The following RNF150 variants were observed in gnomAD, a reference collection of about 807,000 sequenced individuals.
The protein encoded by RNF150 is ring finger protein 150.
RNF150 carries 24 observed loss-of-function variants against 39.3 expected under a neutral mutation model. The observed-to-expected ratio is 0.61, with a 90% CI of 0.44 to 0.86. The LOEUF is 0.86. Ranked by LOEUF, RNF150 falls within the 40% of genes least tolerant of loss-of-function variation. The probability of loss-of-function intolerance (pLI) is 0.00; values close to 1 mark genes in which losing one functional copy is unlikely to be tolerated. For missense variants in RNF150, 502 were observed against 587.8 expected, an observed-to-expected ratio of 0.85 and a Z score of 1.51; for synonymous variants, 255 against 227.3, an observed-to-expected ratio of 1.12 and a Z score of -1.10.
At chr4:140,990,091 G>C (rs546589386) in intron 1 of RNF150, among the ~76,000 whole-genome samples, 3 of 152,292 alleles carry the variant, frequency 2.0e-5, no homozygotes, top group African/African-American at 7.2e-5. Flanking sequence ...CTAATGCACT[G>C]TAATTTTATA....
intron 1 of RNF150, among the ~76,000 whole-genome samples, chr4:141,080,207 T>C (rs1036972650): frequency 2.0e-5 from 3 of 152,314 alleles, no homozygotes; most frequent in African/African-American, 7.2e-5. Flanking sequence ...AAAATCAATC[T>C]CTCCATAATC....
At chr4:140,947,569 T>C in intron 4 of RNF150, 85 bp downstream of exon 4, 1 of 890,640 alleles carries the variant, frequency 1.1e-6, no homozygotes, top group Non-Finnish European at 1.9e-6. Context: ...GGCAGCACTA[T>C]GCCCAGCAGG....
At chr4:140,991,383 G>A (rs1040922544) in intron 1 of RNF150, among the ~76,000 whole-genome samples, 1 of 152,064 alleles carries the variant, frequency 6.6e-6, no homozygotes, top group Non-Finnish European at 1.5e-5. Flanking sequence ...TGCTTTTGTT[G>A]CAATTGCTTT....
At chr4:140,912,888 A>G (rs1361063854) in intron 5 of RNF150, among the ~76,000 whole-genome samples, 1 of 149,680 alleles carries the variant, frequency 6.7e-6, no homozygotes, top group African/African-American at 2.5e-5. Flanking sequence ...TTCTCTCCCC[A>G]TTACCAGTTT....
chr4:141,001,318 G>A (rs1734660715), intron 1 of RNF150, among the ~76,000 whole-genome samples: 1 of 151,512 alleles, frequency 6.6e-6, no homozygotes. Flanking sequence ...CTTCATCATT[G>A]TCAATCTCCT....
intron 1 of RNF150, among the ~76,000 whole-genome samples, chr4:140,968,391 C>T (rs1335874127): frequency 6.6e-6 from 1 of 151,952 alleles, no homozygotes; most frequent in Non-Finnish European, 1.5e-5. Context: ...GCAATTTTCT[C>T]CTATAGTGAG....
At chr4:140,926,127 T>G in intron 4 of RNF150, 54 bp from the exon 5 acceptor site, 1 of 1,235,876 alleles carries the variant, frequency 8.1e-7, no homozygotes, top group Non-Finnish European at 1.2e-6. Flanking sequence ...GAATACCTGG[T>G]CCACCATGGC....
At chr4:141,016,923 G>A (rs902341353) in intron 1 of RNF150, among the ~76,000 whole-genome samples, 2 of 152,114 alleles carry the variant, frequency 1.3e-5, no homozygotes, top group African/African-American at 4.8e-5. Flanking sequence ...ATCTTGAAAT[G>A]TATCTTCCAT....
intron 1 of RNF150, among the ~76,000 whole-genome samples, chr4:141,049,034 C>T (rs1736683625): frequency 6.6e-6 from 1 of 152,160 alleles, no homozygotes; most frequent in African/African-American, 2.4e-5. Flanking sequence ...TATGCCTATT[C>T]TGAGCAGCCA....
chr4:141,039,602 C>T (rs1279663308), intron 1 of RNF150, among the ~76,000 whole-genome samples: 2 of 152,186 alleles, frequency 1.3e-5, no homozygotes, highest in South Asian at 2.1e-4. Context: ...TGCACGTGCA[C>T]ACATCCCTAA....
At chr4:141,046,240 A>G (rs943352744) in intron 1 of RNF150, among the ~76,000 whole-genome samples, 1 of 152,208 alleles carries the variant, frequency 6.6e-6, no homozygotes, top group Non-Finnish European at 1.5e-5. Flanking sequence ...CCATGACCTT[A>G]GATGGGGGAA....
Position 140,868,330 on chromosome 4 carries a change from C to T in RNF150, c.1248G>A (p.Met416Ile), listed in dbSNP as rs370712087. 4 of 1,613,602 alleles carry T rather than the reference C, an allele frequency of 2.5e-6. No individual in the cohort carries two copies. Among genetic ancestry groups the T allele is most frequent in the East Asian group, 4.5e-5 (2 of 44,898 alleles). ...VSSDSDISLIMAMEVGLSDVE... is the reference protein window; with the variant it reads ...VSSDSDISLIIAMEVGLSDVE... ...CATCAGACAGTCCAACCTCCATTGC[C>T]ATGATCAAGGAAATGTCAGAATCAC... The change falls in exon 7 of 7, where the codon ATG (methionine) becomes ATA (isoleucine). Residue 416 changes from methionine to isoleucine, a missense_variant. Met to Ile is a conservative substitution (Grantham distance 10). Coordinates refer to ENST00000515673, the MANE Select transcript of RNF150 (RefSeq NM_020724.2).
chr4:140,879,707 A>G (rs1338945798), intron 6 of RNF150, among the ~76,000 whole-genome samples: 2 of 152,084 alleles, frequency 1.3e-5, no homozygotes, highest in African/African-American at 4.8e-5. Flanking sequence ...CTGTGGACCC[A>G]GCTATTTGGG....
chr4:140,969,469 G>A (rs1476031893), intron 1 of RNF150, among the ~76,000 whole-genome samples: 2 of 152,020 alleles, frequency 1.3e-5, no homozygotes, highest in South Asian at 2.1e-4. Flanking sequence ...GCTGCATGTG[G>A]TCTGAGGTTG....
chr4:141,197,046 CA>C (rs377327063), intron 1 of RNF150, among the ~76,000 whole-genome samples: 279 of 151,148 alleles, frequency 1.8e-3, no homozygotes, highest in African/African-American at 6.4e-3. Flanking sequence ...AATTTTGTCC[CA>C]AAAAAAAGTG....
chr4:141,106,019 T>C (rs73849810), intron 1 of RNF150, among the ~76,000 whole-genome samples: 2,084 of 152,318 alleles, frequency 0.014, 49 homozygotes, highest in African/African-American at 0.048. Context: ...ACAACCCATC[T>C]ACTTGTCACT....
intron 1 of RNF150, among the ~76,000 whole-genome samples, chr4:141,140,159 CG>C (rs1212349886): frequency 2.0e-5 from 3 of 152,168 alleles, no homozygotes; most frequent in African/African-American, 7.2e-5. Flanking sequence ...GTTTTGGAAA[CG>C]TTTTTTTAGA....
At chr4:141,179,812 A>G (rs971605399) in intron 1 of RNF150, among the ~76,000 whole-genome samples, 3 of 152,162 alleles carry the variant, frequency 2.0e-5, no homozygotes, top group Non-Finnish European at 2.9e-5. Context: ...TCCTCTTAGT[A>G]TGACAAAACA....
chr4:140,961,180 T>C (rs958049970), intron 2 of RNF150, among the ~76,000 whole-genome samples: 1 of 152,186 alleles, frequency 6.6e-6, no homozygotes, highest in Non-Finnish European at 1.5e-5. Context: ...TTATTCTCCA[T>C]GTTACCATCT....
Sources: gnomAD v4.1 joint callset for allele counts (sites outside exome capture counted in the v4.1 genomes callset) on GRCh38, gnomAD v4.1.1 for gene constraint, MANE v1.5 for transcripts, NCBI Gene and HGNC (gene_info 2026-07-23, HGNC 2026-07-21) for gene names.